BCKDHB: variants seen among roughly 807,000 people sequenced by gnomAD.
BCKDHB encodes 2-oxoisovalerate dehydrogenase subunit beta, mitochondrial.
A neutral mutation model predicts 48.5 loss-of-function variants in BCKDHB; 41 were observed. The ratio of observed to expected loss-of-function variants is 0.85; its 90% confidence interval spans 0.66 to 1.10. BCKDHB has a LOEUF of 1.10. Ranked by LOEUF, BCKDHB falls within the 50% of genes least tolerant of loss-of-function variation. The pLI, the probability that BCKDHB is intolerant of heterozygous loss-of-function variation, is 0.00. For missense variants in BCKDHB, 496 were observed against 494.2 expected (o/e 1.00, Z -0.03); for synonymous variants, 201 against 174.8 (o/e 1.15, Z -1.18).
chr6:80,259,072 C>T (rs1247198660), intron 8 of BCKDHB, among the ~76,000 whole-genome samples: 1 of 152,174 alleles, frequency 6.6e-6, no homozygotes, highest in Non-Finnish European at 1.5e-5. Flanking sequence ...GTATTGAAGG[C>T]AGTGTAGATA....
At chr6:80,393,329 A>G in the BCKDHB span, among the ~76,000 whole-genome samples, 15 of 152,276 alleles carry the variant, frequency 9.9e-5, no homozygotes, top group Admixed American at 8.5e-4. Context: ...ATCTTTAAAT[A>G]TAATCCTCAC....
At chr6:80,129,348 T>G in intron 3 of BCKDHB, 119 bp downstream of exon 3, 1 of 810,288 alleles carries the variant, frequency 1.2e-6, no homozygotes, top group Non-Finnish European at 2.1e-6. Context: ...GAATTCCTTT[T>G]CATTTCCAAC....
intron 1 of BCKDHB, among the ~76,000 whole-genome samples, chr6:80,108,234 C>T (rs1315534653): frequency 2.0e-5 from 3 of 151,102 alleles, no homozygotes; most frequent in Non-Finnish European, 2.9e-5. Context: ...TACTAAGATG[C>T]GTGTAGATAT....
chr6:80,388,849 A>G, the BCKDHB span, among the ~76,000 whole-genome samples: 1 of 152,208 alleles, frequency 6.6e-6, no homozygotes, highest in Non-Finnish European at 1.5e-5. Flanking sequence ...TCCCTGAAGG[A>G]CAGCAGTGAA....
intron 3 of BCKDHB, among the ~76,000 whole-genome samples, chr6:80,167,027 T>C (rs1772609903): frequency 6.6e-6 from 1 of 152,230 alleles, no homozygotes; most frequent in African/African-American, 2.4e-5. Context: ...TTTGTCCTTT[T>C]AGTTGTGTTG....
intron 8 of BCKDHB, among the ~76,000 whole-genome samples, chr6:80,218,008 A>G (rs1296978179): frequency 1.3e-5 from 2 of 152,290 alleles, no homozygotes; most frequent in Admixed American, 6.5e-5. Context: ...AGTGCATGGT[A>G]CTATATTTCT....
chr6:80,447,533 T>C, the BCKDHB span, among the ~76,000 whole-genome samples: 2 of 151,462 alleles, frequency 1.3e-5, no homozygotes, highest in Non-Finnish European at 2.9e-5. Context: ...CACATTATAG[T>C]TAACAAAGCA....
the BCKDHB span, among the ~76,000 whole-genome samples, chr6:80,403,673 C>A: frequency 1.3e-5 from 2 of 151,866 alleles, no homozygotes; most frequent in African/African-American, 4.8e-5. Context: ...TAGAGGAAAG[C>A]TTTCAAATTT....
intron 9 of BCKDHB, chr6:80,307,475 A>T (rs1047906108): frequency 1.0e-6 from 1 of 985,164 alleles, no homozygotes; most frequent in South Asian, 4.7e-5. Context: ...TTTCTATTAC[A>T]TTTTTTTCAG....
At chr6:80,362,336 A>C in the BCKDHB span, among the ~76,000 whole-genome samples, 1 of 152,212 alleles carries the variant, frequency 6.6e-6, no homozygotes, top group Non-Finnish European at 1.5e-5. Context: ...CTTGTTTTAC[A>C]GAGTGTACAC....
At chr6:80,402,363 T>C in the BCKDHB span, among the ~76,000 whole-genome samples, 1 of 151,784 alleles carries the variant, frequency 6.6e-6, no homozygotes, top group African/African-American at 2.4e-5. Context: ...TTCTGATGAT[T>C]AGTGATGTCG....
chr6:80,107,555 A>ATG (rs1209935724), intron 1 of BCKDHB, among the ~76,000 whole-genome samples: 2 of 132,628 alleles, frequency 1.5e-5, no homozygotes, highest in Non-Finnish European at 3.1e-5. Flanking sequence ...ACACATATAT[A>ATG]TGCATATATA....
At chr6:80,168,700 AAGGC>A (rs1464516054) in intron 4 of BCKDHB, among the ~76,000 whole-genome samples, 171 bp from the exon 5 acceptor site, 13 of 135,326 alleles carry the variant, frequency 9.6e-5, no homozygotes, top group African/African-American at 1.4e-4. Flanking sequence ...ATGGGAAAGA[AAGGC>A]AGGCAGGCAG....
At chr6:80,334,686 T>A (rs1292053642) in intron 9 of BCKDHB, among the ~76,000 whole-genome samples, 1 of 151,962 alleles carries the variant, frequency 6.6e-6, no homozygotes, top group Non-Finnish European at 1.5e-5. Flanking sequence ...TACATCTCTT[T>A]TGGCATTGTG....
intron 6 of BCKDHB, among the ~76,000 whole-genome samples, chr6:80,193,540 A>T (rs1446754301): frequency 1.3e-5 from 2 of 152,006 alleles, no homozygotes; most frequent in Non-Finnish European, 2.9e-5. Context: ...CCAACATGGC[A>T]AAACCCTGTA....
intron 8 of BCKDHB, among the ~76,000 whole-genome samples, chr6:80,211,509 G>C (rs1774932354): frequency 6.6e-6 from 1 of 152,102 alleles, no homozygotes; most frequent in Non-Finnish European, 1.5e-5. Flanking sequence ...AGGCAGAGTT[G>C]ATACTTTTAA....
chr6:80,221,882 A>T (rs1775468899), intron 8 of BCKDHB, among the ~76,000 whole-genome samples: 1 of 152,344 alleles, frequency 6.6e-6, no homozygotes, highest in Admixed American at 6.5e-5. Flanking sequence ...TTTTTCCAAT[A>T]GCCACAATTC....
chr6:80,134,487 C>T (rs1178436264), intron 3 of BCKDHB, among the ~76,000 whole-genome samples: 2 of 152,046 alleles, frequency 1.3e-5, no homozygotes, highest in Non-Finnish European at 2.9e-5. Context: ...TGACTTTGGG[C>T]CTCAGTATCC....
At chr6:80,414,953 C>T in the BCKDHB span, among the ~76,000 whole-genome samples, 1 of 151,790 alleles carries the variant, frequency 6.6e-6, no homozygotes, top group Admixed American at 6.6e-5. Flanking sequence ...TGTAGTTCTC[C>T]TTGTGGATAT....
Sources: allele counts gnomAD v4.1 joint callset (sites outside exome capture counted in the v4.1 genomes callset), GRCh38; gene constraint gnomAD v4.1.1; transcripts MANE v1.5; gene names NCBI Gene and HGNC (gene_info 2026-07-23, HGNC 2026-07-21).